The following ADAMTSL1 variants were observed in gnomAD, a reference collection of about 807,000 sequenced individuals.
ADAMTSL1 encodes ADAMTS like 1, also known as ADAMTS-like protein 1.
In ADAMTSL1, 126 loss-of-function variants were observed where a neutral mutation model predicts 201.8. The ratio of observed to expected loss-of-function variants is 0.62; its 90% CI spans 0.54 to 0.72. The LOEUF (loss-of-function observed/expected upper bound fraction) is 0.72, where lower values mean the gene tolerates loss of function less well. Among genes scored for constraint, ADAMTSL1 ranks in the 30% least tolerant of loss-of-function variants. The pLI is 0.00. For missense variants in ADAMTSL1, 2,679 were observed against 2,277.8 expected, an observed-to-expected ratio of 1.18 and a Z score of -3.59; for synonymous variants, 1,121 against 903.4, an observed-to-expected ratio of 1.24 and a Z score of -4.32.
chr9:18,592,324 C>T (rs576253596), intron 4 of ADAMTSL1, among the ~76,000 whole-genome samples: 65 of 152,184 alleles, frequency 4.3e-4, no homozygotes, highest in Non-Finnish European at 6.8e-4. Flanking sequence ...TCCTTGTTGT[C>T]GCACAGAATA....
chr9:18,831,097 T>A (rs1158369536), intron 23 of ADAMTSL1, among the ~76,000 whole-genome samples: 1 of 152,242 alleles, frequency 6.6e-6, no homozygotes, highest in African/African-American at 2.4e-5. Context: ...ATTTTCGTTT[T>A]CATCTGAAAC....
In ADAMTSL1 at chr9:18,332,439, C is replaced by T. The variant is rs114647568; in HGVS notation, c.207+168458C>T. On this transcript the variant is annotated intron_variant, in intron 2 of 29. Coordinates refer to the ADAMTSL1 transcript ENST00000680146. ...GCCTTCTCTTGCTATCTTTTTTATA[C>T]GCACCAGTCCAGTTTTCCTCCTTTT... Among the ~76,000 whole-genome samples, 1,380 of 151,572 alleles carry T rather than the reference C, an allele frequency of 9.1e-3. 26 individuals carry two copies. The highest frequency in any genetic ancestry group is 0.031 in the African/African-American group (1,267 of 41,412).
intron 1 of ADAMTSL1, among the ~76,000 whole-genome samples, chr9:17,911,331 G>A (rs1265550831): frequency 1.5e-5 from 1 of 68,640 alleles, no homozygotes; most frequent in African/African-American, 2.9e-5. Context: ...ATAAGGAAAT[G>A]CTTAATCAAC....
intron 4 of ADAMTSL1, among the ~76,000 whole-genome samples, chr9:18,612,031 G>A (rs1300747771): frequency 6.6e-6 from 1 of 152,204 alleles, no homozygotes; most frequent in Non-Finnish European, 1.5e-5. Context: ...CAGGAACTCA[G>A]TAGATCAAGT....
rs567873033 is a variant in ADAMTSL1, at chr9:18,012,684, A to T, written c.87+105762A>T. Among the ~76,000 whole-genome samples the T allele has an allele frequency of 1.7e-4, 26 of 152,104 alleles. No individual in the cohort carries two copies. In the South Asian group the frequency reaches 5.2e-3, roughly 30 times the overall value. Reference sequence around the variant, plus strand: ...TCTGTGGTGGGTATTAGGAAGGAGGATGTGAGGTGTGGGCTTCTCCCAGGA... The same window carrying T: ...TCTGTGGTGGGTATTAGGAAGGAGGTTGTGAGGTGTGGGCTTCTCCCAGGA... On this transcript the variant is annotated intron_variant, in intron 1 of 29. Coordinates refer to the ADAMTSL1 transcript ENST00000680146.
At chr9:18,247,336 T>C (rs1831296662) in intron 2 of ADAMTSL1, among the ~76,000 whole-genome samples, 1 of 152,206 alleles carries the variant, frequency 6.6e-6, no homozygotes, top group Non-Finnish European at 1.5e-5. Flanking sequence ...TAATAACTTA[T>C]ATTTTGAAGA....
chr9:18,052,783 A>T lies in ADAMTSL1; in HGVS notation c.88-111079A>T, dbSNP rs375784360. 4.0e-5 allele frequency among the ~76,000 whole-genome samples: 6 copies of T among 151,390 alleles called. No individual in the cohort carries two copies. In the East Asian group the frequency reaches 7.7e-4, roughly 20 times the overall value. On this transcript the variant is annotated intron_variant, in intron 1 of 29. Transcript: ENST00000680146. ...CTTAGTTAACCCAGCTGTGTTTTGT[A>T]CTAGAGTGGGGGTGGGGGTGACATG... is the stretch of plus-strand genomic sequence containing the variant.
rs1053823401 is a variant in ADAMTSL1, at chr9:18,340,031, T to C, written c.208-164798T>C. 2.0e-5 allele frequency among the ~76,000 whole-genome samples: 3 copies of C among 152,186 alleles called. No homozygotes were observed. In the East Asian group the frequency reaches 5.8e-4, roughly 29 times the overall value. ...GTGCCCTTCCTGTTGATATGTCTGG[T>C]GGCCACTTCACATCTGATGTTACTC... is the stretch of plus-strand genomic sequence containing the variant. On this transcript the variant is annotated intron_variant, in intron 2 of 29. Coordinates refer to the ADAMTSL1 transcript ENST00000680146.
Position 18,706,977 on chromosome 9 carries a change from T to C in ADAMTSL1, c.1805T>C (p.Leu602Pro), listed in dbSNP as rs1832271029. 2 of 1,613,852 alleles carry C rather than the reference T, an allele frequency of 1.2e-6. No individual in the cohort carries two copies. The highest frequency in any genetic ancestry group is 1.3e-5 in the African/African-American group (1 of 74,928). ...GAGACAGATGGGCTCTTTGGTGGCC[T>C]GCAGGATTTCGACGAGCTGTATGAC... is the stretch of plus-strand genomic sequence containing the variant. ...PDETDGLFGG[L>P]QDFDELYDWE... Residue 602 changes from leucine to proline, a missense_variant, in exon 14 of 29, where the codon CTG (leucine) becomes CCG (proline). Physicochemically the swap from Leu to Pro is moderately conservative, Grantham distance 98. Transcript: ENST00000380548.
At chr9:18,367,212 C>T (rs1344188424) in intron 2 of ADAMTSL1, among the ~76,000 whole-genome samples, 1 of 152,084 alleles carries the variant, frequency 6.6e-6, no homozygotes, top group Non-Finnish European at 1.5e-5. Context: ...ATAACTGTGA[C>T]AAGACACATG....
chr9:18,391,494 G>A (rs538494707), intron 2 of ADAMTSL1, among the ~76,000 whole-genome samples: 30 of 152,206 alleles, frequency 2.0e-4, no homozygotes, highest in South Asian at 1.2e-3. Flanking sequence ...CACCCAGGCT[G>A]GAGAGCAGTG....
chr9:18,758,519 G>A (rs1011458717), intron 16 of ADAMTSL1, among the ~76,000 whole-genome samples: 5 of 152,290 alleles, frequency 3.3e-5, no homozygotes, highest in African/African-American at 1.2e-4. Context: ...CAAGGGGAGG[G>A]TCTCTTTGTC....
At position 18,492,397 on chromosome 9, in the gene ADAMTSL1, T is replaced by C. The variant is rs1822311556; in HGVS notation, c.64-12432T>C. Among the ~76,000 whole-genome samples the C allele has an allele frequency of 2.0e-5, 3 of 152,254 alleles. No individual in the cohort carries two copies. The South Asian group carries it at 6.2e-4, about 32-fold the overall frequency. ...ACTCTTATTAATAAAAAGTACAGAG[T>C]ATAATTTAGCATTTCTTTTATTATT... On this transcript the variant is annotated intron_variant, in intron 1 of 28. Coordinates refer to ENST00000380548, the MANE Select transcript of ADAMTSL1 (RefSeq NM_001040272.6).
At chr9:18,220,409 A>G (rs1438925894) in intron 2 of ADAMTSL1, among the ~76,000 whole-genome samples, 1 of 152,110 alleles carries the variant, frequency 6.6e-6, no homozygotes, top group Non-Finnish European at 1.5e-5. Flanking sequence ...TCCTTAAACT[A>G]CATGTTTTCT....
chr9:18,184,606 G>A (rs370454566), intron 2 of ADAMTSL1, among the ~76,000 whole-genome samples: 1 of 152,338 alleles, frequency 6.6e-6, no homozygotes, highest in Non-Finnish European at 1.5e-5. Flanking sequence ...CTACTGCCAT[G>A]AGTAGGCATT....
intron 9 of ADAMTSL1, among the ~76,000 whole-genome samples, chr9:18,664,491 A>C (rs992878241): frequency 2.2e-4 from 33 of 152,218 alleles, no homozygotes; most frequent in Admixed American, 2.0e-3. Context: ...GGGAAAACCA[A>C]CGTTCTTGGT....
At chr9:18,284,689 C>G (rs1284130165) in intron 2 of ADAMTSL1, among the ~76,000 whole-genome samples, 2 of 152,154 alleles carry the variant, frequency 1.3e-5, no homozygotes, top group African/African-American at 2.4e-5. Flanking sequence ...GAAAATAAAA[C>G]TTAACTATTA....
chr9:18,240,487 C>T (rs185254968), intron 2 of ADAMTSL1, among the ~76,000 whole-genome samples: 2 of 152,030 alleles, frequency 1.3e-5, no homozygotes, highest in African/African-American at 4.8e-5. Flanking sequence ...TTCTTAGGGG[C>T]CCTAGAATTT....
chr9:18,011,631 C>G (rs138350317), intron 1 of ADAMTSL1, among the ~76,000 whole-genome samples: 6 of 152,110 alleles, frequency 3.9e-5, no homozygotes, highest in Non-Finnish European at 7.4e-5. Context: ...CCGTAGCTGT[C>G]AAATAGAGAA....
Sources: allele counts gnomAD v4.1 joint callset (sites outside exome capture counted in the v4.1 genomes callset), GRCh38; gene constraint gnomAD v4.1.1; transcripts MANE v1.5; gene names NCBI Gene and HGNC (gene_info 2026-07-23, HGNC 2026-07-21).